The following NUP214 variants were observed in gnomAD, a reference collection of about 807,000 sequenced individuals.
The protein encoded by NUP214 is nucleoporin 214, also known as nuclear pore complex protein Nup214.
Under a neutral mutation model 196.2 loss-of-function variants are expected in NUP214, and 79 were observed. The observed-to-expected ratio is 0.40, with a 90% confidence interval of 0.34 to 0.49. The LOEUF is 0.49. Ranked by LOEUF, NUP214 falls within the 20% of genes least tolerant of loss-of-function variation. NUP214 has a pLI of 0.58. For missense variants in NUP214, 2,468 were observed against 2,539.0 expected (o/e 0.97, Z 0.60); for synonymous variants, 1,020 against 990.5 (o/e 1.03, Z -0.56).
At position 131,232,570 on chromosome 9, in the gene NUP214, G is replaced by A. The variant is rs1834909863; in HGVS notation, c.6239+262G>A. 1.8e-6 allele frequency: 1 copy of A among 565,300 alleles called. No homozygotes were observed. The highest frequency in any genetic ancestry group is 3.2e-6 in the Non-Finnish European group (1 of 315,634). The allele number at this position is 565,300 out of a possible 1,614,324, so 35.0% of individuals were successfully genotyped here. A position where few individuals can be genotyped will look rare whatever the true frequency, so the allele number is the denominator to read the frequency against. Reference sequence around the variant, plus strand: ...AAGAGCACGCCTGCCAGTGAGCTGGGCCTGAGGGCAGCGCTGAGGAGATGC... The same window carrying A: ...AAGAGCACGCCTGCCAGTGAGCTGGACCTGAGGGCAGCGCTGAGGAGATGC... On this transcript the variant is annotated intron_variant, in intron 35 of 35. Coordinates refer to ENST00000359428, the MANE Select transcript of NUP214 (RefSeq NM_005085.4). This position sits in a 1 kb window ranked among gnomAD's most constrained non-coding sequence, Gnocchi z 5.1.
chr9:131,230,560 GC>G lies in NUP214; in HGVS notation c.6075-69del, dbSNP rs1240125950. The G allele has an allele frequency of 1.9e-6, 3 of 1,584,900 alleles. No individual in the cohort carries two copies. In the African/African-American group the frequency reaches 4.0e-5, roughly 21 times the overall value. On this transcript the variant is annotated intron_variant, in intron 33 of 35. Coordinates refer to ENST00000359428, the MANE Select transcript of NUP214 (RefSeq NM_005085.4). ...TGTGTATTGGGACTTACAGCAGGGGGCTGAGGCTTGCAGATGGGCAAGTGGT... is the reference window on the plus strand; with the variant it reads ...TGTGTATTGGGACTTACAGCAGGGGGTGAGGCTTGCAGATGGGCAAGTGGT...
intron 5 of NUP214, 45 bp downstream of exon 5, chr9:131,130,881 C>CT (rs1171097643): frequency 2.6e-6 from 4 of 1,512,570 alleles, no homozygotes; most frequent in Non-Finnish European, 2.8e-6. Context: ...AAGTTGCCCA[C>CT]TTTTTTGGGG....
chr9:131,178,178 G>A, intron 23 of NUP214, 133 bp from the exon 24 acceptor site: 1 of 659,800 alleles, frequency 1.5e-6, no homozygotes, highest in Non-Finnish European at 2.7e-6. Flanking sequence ...GAACTACCTA[G>A]AGTAGATTTC....
chr9:131,230,910 C>G (rs1834858216), intron 34 of NUP214, 141 bp downstream of exon 34: 2 of 1,004,240 alleles, frequency 2.0e-6, no homozygotes, highest in Non-Finnish European at 2.9e-6. Context: ...CCTGTAATCC[C>G]AGCACTTTGG....
At chr9:131,200,563 G>T (rs1011675313) in intron 29 of NUP214, among the ~76,000 whole-genome samples, 1 of 152,188 alleles carries the variant, frequency 6.6e-6, no homozygotes, top group Non-Finnish European at 1.5e-5. Flanking sequence ...CACAAAATTA[G>T]CTGGGCGTCG....
In NUP214 at chr9:131,132,612, A is replaced by G; in HGVS notation, c.680A>G (p.Lys227Arg). ...VQYLPTLQEK[K>R]VIPCPPFYES... ...CTCTTTCAGACTTTGCAGGAAAAAA[A>G]AGTCATTCCTTGTCCTCCGTTTTAT... Residue 227 changes from lysine to arginine, a missense_variant, in exon 6 of 36, where the codon AAA becomes AGA. Physicochemically the swap from Lys to Arg is conservative, Grantham distance 26. Transcript: ENST00000359428. 1 of 1,614,092 alleles carries G rather than the reference A, an allele frequency of 6.2e-7. No homozygotes were observed. Among genetic ancestry groups the G allele is most frequent in the Non-Finnish European group, 8.5e-7 (1 of 1,179,950 alleles).
intron 24 of NUP214, among the ~76,000 whole-genome samples, chr9:131,185,580 T>G (rs1833430390): frequency 6.6e-6 from 1 of 152,254 alleles, no homozygotes; most frequent in Admixed American, 6.5e-5. Flanking sequence ...GGCTTTTCTA[T>G]CTCTTGATCA....
intron 14 of NUP214, 51 bp downstream of exon 14, chr9:131,147,635 A>G: frequency 7.9e-7 from 1 of 1,261,382 alleles, no homozygotes; most frequent in Non-Finnish European, 1.2e-6. Flanking sequence ...TTACTGCCCC[A>G]AGCATACCTA....
chr9:131,171,058 T>C (rs544265501), intron 21 of NUP214, among the ~76,000 whole-genome samples: 1 of 152,276 alleles, frequency 6.6e-6, no homozygotes, highest in Admixed American at 6.5e-5. Flanking sequence ...TAAGATTCTT[T>C]AAATTTCAGT....
At chr9:131,171,348 C>T (rs1832951287) in intron 21 of NUP214, among the ~76,000 whole-genome samples, 1 of 152,130 alleles carries the variant, frequency 6.6e-6, no homozygotes, top group Non-Finnish European at 1.5e-5. Context: ...CTGTCTAGTT[C>T]TTGAAGGTGA....
At chr9:131,160,830 C>T (rs1327848933) in intron 18 of NUP214, among the ~76,000 whole-genome samples, 4 of 152,200 alleles carry the variant, frequency 2.6e-5, no homozygotes. Flanking sequence ...AAGTGAGAAG[C>T]TCTCCTCCGC....
At chr9:131,185,127 C>G (rs1833417490) in intron 24 of NUP214, among the ~76,000 whole-genome samples, 1 of 152,140 alleles carries the variant, frequency 6.6e-6, no homozygotes, top group Non-Finnish European at 1.5e-5. Flanking sequence ...TGTTGAAGTT[C>G]ATTAAAGTTG....
chr9:131,223,415 T>C (rs894405353), intron 32 of NUP214, among the ~76,000 whole-genome samples: 3 of 152,112 alleles, frequency 2.0e-5, no homozygotes, highest in African/African-American at 7.2e-5. Context: ...TCCGCCCACC[T>C]CGGCCTCCCA....
At chr9:131,212,445 G>A (rs1564213645) in intron 30 of NUP214, among the ~76,000 whole-genome samples, 1 of 152,072 alleles carries the variant, frequency 6.6e-6, no homozygotes, top group Non-Finnish European at 1.5e-5. Context: ...GTGGCTCAGG[G>A]GGCATCACGG....
chr9:131,151,856 A>G lies in NUP214; in HGVS notation c.2398A>G (p.Lys800Glu). The change falls in exon 17 of 36, where the codon AAA (lysine) becomes GAA (glutamate). Residue 800 changes from lysine to glutamate, a missense_variant. Physicochemically the swap from Lys to Glu is moderately conservative, Grantham distance 56 (BLOSUM62 1). Transcript: ENST00000359428. ...RDSGYLHLLYKRPLDPKSEAQ... is the reference protein window; with the variant it reads ...RDSGYLHLLYERPLDPKSEAQ... ...CTCTGGTTATCTGCATTTGCTTTAT[A>G]AAAGACCACTGGATCCCAAGAGTGA... 1 of 1,613,196 alleles carries G rather than the reference A, an allele frequency of 6.2e-7. No individual in the cohort carries two copies. Among genetic ancestry groups the G allele is most frequent in the South Asian group, 1.1e-5 (1 of 90,946 alleles).
intron 30 of NUP214, among the ~76,000 whole-genome samples, chr9:131,206,881 G>A (rs1011877821): frequency 1.3e-5 from 2 of 152,140 alleles, no homozygotes; most frequent in East Asian, 1.9e-4. Context: ...CTTCCACTCC[G>A]TATTCTTCCA....
At position 131,135,925 on chromosome 9, in the gene NUP214, G is replaced by C. The variant is rs1242545767; in HGVS notation, c.939-15G>C. On this transcript the variant is annotated splice_polypyrimidine_tract_variant and intron_variant, in intron 8 of 35. Coordinates refer to ENST00000359428, the MANE Select transcript of NUP214 (RefSeq NM_005085.4). ...CTGTATTTGAACGTAATGGTCTCTG[G>C]TTTTATTCTTTAAGGGATTTAGTGC... The C allele has an allele frequency of 6.2e-7, 1 of 1,611,804 alleles. No homozygotes were observed. Among genetic ancestry groups the C allele is most frequent in the East Asian group, 2.2e-5 (1 of 44,862 alleles).
rs1347814172 is a variant in NUP214 at position 131,197,868 on chromosome 9, T to C, written c.4374T>C (p.Thr1458=). Residue 1458 remains threonine, a synonymous_variant, in exon 29 of 36, where the codon ACT becomes ACC. Transcript: ENST00000359428. ...STVPPSAPPP[T]TAATPLPTSF... is the part of the protein sequence containing the mutation. ...TGCCCCCATCTGCCCCACCACCAAC[T>C]ACAGCTGCCACTCCCCTTCCAACAT... 4 of 1,613,602 alleles carry C rather than the reference T, an allele frequency of 2.5e-6. No individual in the cohort carries two copies. The South Asian group carries it at 4.4e-5, about 18-fold the overall frequency.
chr9:131,141,670 G>A (rs983708154), intron 11 of NUP214: 1 of 151,660 alleles, frequency 6.6e-6, no homozygotes, highest in African/African-American at 2.4e-5. Flanking sequence ...GTAGAGATAG[G>A]GTCTTACTGT....
Sources: allele counts gnomAD v4.1 joint callset (sites outside exome capture counted in the v4.1 genomes callset), GRCh38; gene constraint gnomAD v4.1.1; non-coding constraint Gnocchi (gnomAD v3.1); transcripts MANE v1.5; gene names NCBI Gene and HGNC (gene_info 2026-07-23, HGNC 2026-07-21).